FBXO25: variants seen among roughly 807,000 people sequenced by gnomAD.
FBXO25 encodes F-box protein 25.
A neutral mutation model predicts 51.9 loss-of-function variants in FBXO25; 45 were observed. The observed-to-expected ratio is 0.87, with a 90% CI of 0.68 to 1.11. FBXO25 has a LOEUF of 1.11. FBXO25 is among the 50% of genes most tolerant of loss of function. The pLI, the probability that FBXO25 is intolerant of heterozygous loss-of-function variation, is 0.00. For synonymous variants in FBXO25, 199 were observed against 151.0 expected (o/e 1.32, Z -2.33); for missense variants, 507 against 428.5 (o/e 1.18, Z -1.62).
intron 2 of FBXO25, among the ~76,000 whole-genome samples, chr8:426,113 T>C (rs1010834823): frequency 3.4e-4 from 52 of 152,138 alleles, no homozygotes; most frequent in African/African-American, 1.1e-3. Flanking sequence ...CTTTTATCAC[T>C]GTCATGTGCC....
chr8:466,284 C>T (rs1018631652), intron 9 of FBXO25, among the ~76,000 whole-genome samples: 2 of 152,258 alleles, frequency 1.3e-5, no homozygotes, highest in Admixed American at 6.5e-5. Flanking sequence ...GGGCCAAACC[C>T]AGATTGGAGT....
At chr8:408,184 T>A (rs544132519) in intron 1 of FBXO25, among the ~76,000 whole-genome samples, 1 of 152,224 alleles carries the variant, frequency 6.6e-6, no homozygotes, top group Non-Finnish European at 1.5e-5. Flanking sequence ...TCCACACTTA[T>A]AAGCAAAACA....
chr8:461,183 C>T (rs1196853143), intron 8 of FBXO25, among the ~76,000 whole-genome samples: 1 of 152,210 alleles, frequency 6.6e-6, no homozygotes, highest in Non-Finnish European at 1.5e-5. Context: ...CTCTGTAATA[C>T]TGATGTTTTT....
intron 4 of FBXO25, among the ~76,000 whole-genome samples, chr8:434,916 A>G (rs1435912172): frequency 1.3e-5 from 2 of 152,326 alleles, no homozygotes; most frequent in Admixed American, 6.5e-5. Context: ...CTGTGGGTCT[A>G]AACACCAGTT....
chr8:462,729 A>C (rs551954682), intron 8 of FBXO25, among the ~76,000 whole-genome samples: 1 of 152,176 alleles, frequency 6.6e-6, no homozygotes, highest in Non-Finnish European at 1.5e-5. Context: ...GGTATAATAC[A>C]CATTGGAGAC....
intron 1 of FBXO25, among the ~76,000 whole-genome samples, chr8:408,129 C>T (rs1332591088): frequency 1.3e-5 from 2 of 152,144 alleles, no homozygotes; most frequent in Admixed American, 6.5e-5. Context: ...GACTCTCAGC[C>T]CTCAGTTTGC....
intron 3 of FBXO25, 36 bp from the exon 4 acceptor site, chr8:432,850 G>T (rs1191625282): frequency 6.0e-6 from 9 of 1,511,566 alleles, no homozygotes; most frequent in Non-Finnish European, 8.0e-6. Context: ...GAAATGATTT[G>T]CCAGATTTTA....
At chr8:446,950 A>C (rs1798771154) in intron 5 of FBXO25, among the ~76,000 whole-genome samples, 1 of 152,208 alleles carries the variant, frequency 6.6e-6, no homozygotes, top group Non-Finnish European at 1.5e-5. Context: ...TTTTCAGAGA[A>C]ATAAGAGGCA....
chr8:408,325 TA>T (rs199946939), intron 1 of FBXO25, among the ~76,000 whole-genome samples: 7,812 of 146,468 alleles, frequency 0.053, 237 homozygotes, highest in Middle Eastern at 0.084. Flanking sequence ...TAATAGACGG[TA>T]AAAAAAAAAA....
chr8:412,946 A>G (rs923893385), intron 1 of FBXO25, 127 bp from the exon 2 acceptor site: 9 of 907,024 alleles, frequency 9.9e-6, no homozygotes, highest in African/African-American at 1.8e-5. Context: ...TGTCGAGCCA[A>G]CGTTTAATTA....
At chr8:449,786 C>T (rs369902465) in intron 5 of FBXO25, among the ~76,000 whole-genome samples, 1 of 152,158 alleles carries the variant, frequency 6.6e-6, no homozygotes, top group African/African-American at 2.4e-5. Flanking sequence ...CTGTAGGCTG[C>T]GGCTGCCTCA....
chr8:460,941 C>T (rs1251447534), intron 8 of FBXO25, among the ~76,000 whole-genome samples: 1 of 152,180 alleles, frequency 6.6e-6, no homozygotes, highest in Non-Finnish European at 1.5e-5. Context: ...GTATGTTATA[C>T]AAGTGATTGT....
Position 435,595 on chromosome 8 carries a change from C to T in FBXO25, c.289-20C>T. 1.2e-6 allele frequency: 2 copies of T among 1,600,176 alleles called. No individual in the cohort carries two copies. The highest frequency in any genetic ancestry group is 8.5e-7 in the Non-Finnish European group (1 of 1,177,664). On this transcript the variant is annotated intron_variant, in intron 4 of 9. Transcript: ENST00000350302. ...TTTTTGGCTAATTGACTAATTTTAA[C>T]TTCTGTGTTGCTTTTCCAGAGGCAT... is the stretch of plus-strand genomic sequence containing the variant.
At chr8:465,195 C>CT (rs35664202) in intron 9 of FBXO25, among the ~76,000 whole-genome samples, 2 of 116,236 alleles carry the variant, frequency 1.7e-5, no homozygotes, top group Non-Finnish European at 4.2e-5. Context: ...GGGAACAGGG[C>CT]CCCCCTTCTG....
At chr8:442,097 C>A (rs568297506) in intron 5 of FBXO25, among the ~76,000 whole-genome samples, 1 of 152,076 alleles carries the variant, frequency 6.6e-6, no homozygotes, top group African/African-American at 2.4e-5. Context: ...CTTTTGTTTG[C>A]TCTGGTGAGT....
chr8:439,964 A>AT lies in FBXO25; in HGVS notation c.381+4265dup, dbSNP rs552998125. On this transcript the variant is annotated intron_variant, in intron 5 of 9. Transcript: ENST00000350302. Reference sequence around the variant, plus strand: ...GGCTAGAATCTCTGGCTATATGAAGATTTTTTTTCAAATTTTTTCATAATT... The same window carrying AT: ...GGCTAGAATCTCTGGCTATATGAAGATTTTTTTTTCAAATTTTTTCATAATT... Among the ~76,000 whole-genome samples the AT allele has an allele frequency of 9.2e-5, 14 of 152,052 alleles. 1 individual carries two copies. The highest frequency in any genetic ancestry group is 2.0e-4 in the Admixed American group (3 of 15,272).
chr8:457,085 A>T (rs1799489552), intron 7 of FBXO25, among the ~76,000 whole-genome samples: 1 of 152,198 alleles, frequency 6.6e-6, no homozygotes, highest in African/African-American at 2.4e-5. Flanking sequence ...CCTTGTGGCC[A>T]AGTACATACA....
chr8:428,034 C>A (rs530903248), intron 2 of FBXO25, among the ~76,000 whole-genome samples: 33 of 152,236 alleles, frequency 2.2e-4, no homozygotes, highest in Admixed American at 6.5e-4. Flanking sequence ...TAGGTCATCA[C>A]TAAAATGAGG....
chr8:410,515 C>T (rs1394942692), intron 1 of FBXO25, among the ~76,000 whole-genome samples: 2 of 152,066 alleles, frequency 1.3e-5, no homozygotes, highest in African/African-American at 2.4e-5. Flanking sequence ...ATGTTCCTAG[C>T]AGCCATTTTC....
Sources: allele counts gnomAD v4.1 joint callset (sites outside exome capture counted in the v4.1 genomes callset), GRCh38; gene constraint gnomAD v4.1.1; transcripts MANE v1.5; gene names NCBI Gene and HGNC (gene_info 2026-07-23, HGNC 2026-07-21).